The following MMS22L variants were observed in gnomAD, a reference collection of about 807,000 sequenced individuals.
MMS22L encodes the protein protein MMS22-like.
MMS22L carries 74 observed loss-of-function variants against 159.1 expected under a neutral mutation model. The observed-to-expected ratio is 0.47, with a 90% CI of 0.39 to 0.56. The LOEUF is 0.56. MMS22L is among the 20% of genes least tolerant of loss of function. The probability of loss-of-function intolerance (pLI) is 0.00; values close to 1 mark genes in which losing one functional copy is unlikely to be tolerated. For missense variants in MMS22L, 1,351 were observed against 1,422.1 expected (o/e 0.95, Z 0.80); for synonymous variants, 517 against 506.9 (o/e 1.02, Z -0.27).
At position 97,162,007 on chromosome 6, in the gene MMS22L, G is replaced by A. The variant is rs369236851; in HGVS notation, c.3380C>T (p.Pro1127Leu). Residue 1127 changes from proline (P) to leucine (L), a missense_variant, in exon 22 of 25, where the codon CCA becomes CTA. Pro to Leu is a moderately conservative substitution (Grantham distance 98, BLOSUM62 -3). Transcript: ENST00000683635. ...ILKCLVLVSE[P>L]QVKRLATENL... ...AAATAAGCTTACAAACAAACCTTGTGGTTCACTGACTAACACCAAGCATTT... is the reference window on the plus strand; with the variant it reads ...AAATAAGCTTACAAACAAACCTTGTAGTTCACTGACTAACACCAAGCATTT... 16 of 1,606,484 alleles carry A rather than the reference G, an allele frequency of 1.0e-5. No homozygotes were observed. The African/African-American group carries it at 1.2e-4, about 12-fold the overall frequency.
rs73760105 is a variant in MMS22L at position 97,214,366 on chromosome 6, A to T, written c.2039+14528T>A. ...ATCTACACAATGAACACCAATAATA[A>T]TGTAGATGTCATCAATATGGAAAGT... On this transcript the variant is annotated intron_variant, in intron 14 of 24. Coordinates refer to ENST00000683635, the MANE Select transcript of MMS22L (RefSeq NM_001350599.2). 9.3e-3 allele frequency among the ~76,000 whole-genome samples: 1,417 copies of T among 152,324 alleles called. 21 individuals carry two copies. Among genetic ancestry groups the T allele is most frequent in the African/African-American group, 0.033 (1,360 of 41,568 alleles).
chr6:97,148,811 A>G (rs2128230052), intron 24 of MMS22L, among the ~76,000 whole-genome samples: 1 of 152,316 alleles, frequency 6.6e-6, no homozygotes, highest in African/African-American at 2.4e-5. Context: ...CTACTACAAT[A>G]GTGTACAGTA....
chr6:97,215,091 A>AATATATATATATATAT (rs1167446221), intron 14 of MMS22L, among the ~76,000 whole-genome samples: 98 of 141,250 alleles, frequency 6.9e-4, no homozygotes, highest in African/African-American at 2.4e-3. Flanking sequence ...TCATGTTTTA[A>AATATATATATATATAT]ATATATATAT....
At chr6:97,277,330 T>C (rs1170020857) in intron 4 of MMS22L, among the ~76,000 whole-genome samples, 1 of 152,042 alleles carries the variant, frequency 6.6e-6, no homozygotes, top group East Asian at 1.9e-4. Flanking sequence ...GGAGAATTGC[T>C]TGAACCCAGG....
In MMS22L at chr6:97,181,804, A is replaced by G. The variant is rs552177479; in HGVS notation, c.2384+100T>C. On this transcript the variant is annotated intron_variant, in intron 16 of 24. Transcript: ENST00000683635. Reference sequence around the variant, plus strand: ...AACCTGACAAAGTGAGAGTATATGTAGTAGAGATCAGTCCTCATTTGTGAA... The same window carrying G: ...AACCTGACAAAGTGAGAGTATATGTGGTAGAGATCAGTCCTCATTTGTGAA... 1.4e-3 allele frequency: 1,763 copies of G among 1,241,214 alleles called. 45 individuals carry two copies. In the South Asian group the frequency reaches 0.027, roughly 19 times the overall value. The allele number at this position is 1,241,214 out of a possible 1,614,324, so 76.9% of individuals were successfully genotyped here.
intron 9 of MMS22L, chr6:97,259,118 A>C (rs1009373783): frequency 6.6e-6 from 1 of 152,218 alleles, no homozygotes; most frequent in Non-Finnish European, 1.5e-5. Flanking sequence ...ATATATACAC[A>C]CACACACATT....
intron 21 of MMS22L, among the ~76,000 whole-genome samples, chr6:97,162,985 T>A (rs1023308964): frequency 6.6e-6 from 1 of 151,856 alleles, no homozygotes; most frequent in African/African-American, 2.4e-5. Context: ...ATAATAACCA[T>A]AAGGAAGAGA....
At chr6:97,274,134 G>A (rs140689195) in intron 4 of MMS22L, among the ~76,000 whole-genome samples, 344 of 152,248 alleles carry the variant, frequency 2.3e-3, no homozygotes, top group African/African-American at 7.8e-3. Flanking sequence ...TAGAGAATGA[G>A]TAAGAGACAA....
intron 22 of MMS22L, among the ~76,000 whole-genome samples, chr6:97,154,666 G>A (rs1801651469): frequency 6.6e-6 from 1 of 152,126 alleles, no homozygotes; most frequent in Non-Finnish European, 1.5e-5. Flanking sequence ...TCTTTCGCAT[G>A]TGGCTATCTG....
intron 22 of MMS22L, 114 bp from the exon 23 acceptor site, chr6:97,151,981 T>C: frequency 1.4e-6 from 1 of 715,210 alleles, no homozygotes; most frequent in East Asian, 2.7e-5. Context: ...AGTATGTACA[T>C]CCTTTTTCTA....
chr6:97,151,683 G>T (rs1582356005), intron 23 of MMS22L, 88 bp downstream of exon 23: 1 of 1,029,042 alleles, frequency 9.7e-7, no homozygotes, highest in Non-Finnish European at 1.5e-6. Flanking sequence ...AACACATTAT[G>T]TTTTGGATAA....
rs1800732196 is a variant in MMS22L, at chr6:97,143,453, G to C, written c.*3353C>G. Reference sequence around the variant, plus strand: ...TTTGAACATCACCTTATAAACAATGGTAAGTTACTGGAAGTCCTCGAGCAG... The same window carrying C: ...TTTGAACATCACCTTATAAACAATGCTAAGTTACTGGAAGTCCTCGAGCAG... On this transcript the variant is annotated 3_prime_UTR_variant, in exon 25 of 25. Coordinates refer to ENST00000683635, the MANE Select transcript of MMS22L (RefSeq NM_001350599.2). The C allele has an allele frequency of 6.6e-6, 1 of 152,140 alleles. No individual in the cohort carries two copies. Among genetic ancestry groups the C allele is most frequent in the East Asian group, 1.9e-4 (1 of 5,190 alleles). 9.4% of individuals were successfully genotyped at this position (152,140 alleles called of 1,614,324 possible).
At chr6:97,194,758 G>A (rs146147154) in intron 14 of MMS22L, among the ~76,000 whole-genome samples, 140 of 152,238 alleles carry the variant, frequency 9.2e-4, no homozygotes, top group African/African-American at 3.1e-3. Context: ...AAAAACCTTT[G>A]GGGGGAAGCA....
chr6:97,201,928 A>G (rs1807211275), intron 14 of MMS22L, among the ~76,000 whole-genome samples: 1 of 152,200 alleles, frequency 6.6e-6, no homozygotes, highest in African/African-American at 2.4e-5. Context: ...TGTTTAAGAT[A>G]AATATCAGTC....
chr6:97,229,075 T>G lies in MMS22L; in HGVS notation c.1858A>C (p.Ile620Leu), dbSNP rs73494464. 10 of 1,613,766 alleles carry G rather than the reference T, an allele frequency of 6.2e-6. No individual in the cohort carries two copies. The Admixed American group carries it at 1.3e-4, about 22-fold the overall frequency. Residue 620 changes from isoleucine (I) to leucine (L), a missense_variant, in exon 14 of 25, where the codon ATC becomes CTC. By Grantham distance (5) the Ile-to-Leu change is conservative. Coordinates refer to ENST00000683635, the MANE Select transcript of MMS22L (RefSeq NM_001350599.2). ...KNEEMVQRQT[I>L]WTLLSIYIDG... ...ATGTATATGGAAAGAAGGGTCCAGA[T>G]AGTCTGTCTCTGTACCATTTCCTCA... is the stretch of plus-strand genomic sequence containing the variant.
chr6:97,207,964 A>T (rs539094635), intron 14 of MMS22L, among the ~76,000 whole-genome samples: 1 of 152,320 alleles, frequency 6.6e-6, no homozygotes, highest in Admixed American at 6.5e-5. Context: ...CTTGGACCAC[A>T]GGAACAGTGA....
At chr6:97,239,503 G>T (rs975631569) in intron 11 of MMS22L, among the ~76,000 whole-genome samples, 2 of 152,138 alleles carry the variant, frequency 1.3e-5, no homozygotes, top group African/African-American at 2.4e-5. Context: ...CTGTACTTAA[G>T]TAAGTAAAAT....
chr6:97,270,690 A>G (rs35430389), intron 6 of MMS22L: 6,209 of 154,134 alleles, frequency 0.04, 147 homozygotes, highest in Middle Eastern at 0.07. Flanking sequence ...ATACAAACAA[A>G]ATAAAATGCT....
intron 10 of MMS22L, among the ~76,000 whole-genome samples, chr6:97,248,242 A>C (rs1438693702): frequency 1.3e-5 from 2 of 152,254 alleles, no homozygotes; most frequent in African/African-American, 4.8e-5. Context: ...TGCCAACTAA[A>C]GTAAAGCTGA....
Sources: gnomAD v4.1 joint callset for allele counts (sites outside exome capture counted in the v4.1 genomes callset) on GRCh38, gnomAD v4.1.1 for gene constraint, MANE v1.5 for transcripts, NCBI Gene and HGNC (gene_info 2026-07-23, HGNC 2026-07-21) for gene names.